TMEM131L: variants seen among roughly 807,000 people sequenced by gnomAD.
TMEM131L encodes transmembrane 131 like.
A neutral mutation model predicts 192.2 loss-of-function variants in TMEM131L; 54 were observed. That is an observed-to-expected ratio of 0.28 (90% CI 0.23 to 0.35). The LOEUF (loss-of-function observed/expected upper bound fraction) is 0.35, where lower values mean the gene tolerates loss of function less well. Ranked by LOEUF, TMEM131L falls within the 10% of genes least tolerant of loss-of-function variation. TMEM131L has a pLI of 1.00. For synonymous variants in TMEM131L, 701 were observed against 704.9 expected (o/e 0.99, Z 0.09); for missense variants, 1,888 against 1,972.9 (o/e 0.96, Z 0.82).
intron 3 of TMEM131L, among the ~76,000 whole-genome samples, chr4:153,514,162 T>C (rs1476788457): frequency 6.6e-6 from 1 of 152,208 alleles, no homozygotes. Flanking sequence ...CCAATTAATC[T>C]TTGCAGCTTT....
chr4:153,601,065 G>T (rs1304538730), intron 21 of TMEM131L, among the ~76,000 whole-genome samples: 2 of 146,762 alleles, frequency 1.4e-5, no homozygotes, highest in Non-Finnish European at 3.0e-5. Context: ...AGCTGAGATT[G>T]TATCACTGCA....
At chr4:153,596,144 A>G in intron 19 of TMEM131L, 114 bp from the exon 20 acceptor site, 1 of 1,259,952 alleles carries the variant, frequency 7.9e-7, no homozygotes, top group Non-Finnish European at 1.1e-6. Context: ...GATTAGGAGG[A>G]TCAAATCTGG....
chr4:153,556,897 G>C (rs1728501707), intron 5 of TMEM131L, 69 bp from the exon 6 acceptor site: 3 of 746,724 alleles, frequency 4.0e-6, no homozygotes, highest in Non-Finnish European at 7.1e-6. Flanking sequence ...GTCAAAAAAA[G>C]AAAGTCTGTG....
chr4:153,505,529 A>G (rs796441456), intron 3 of TMEM131L, among the ~76,000 whole-genome samples: 15 of 152,258 alleles, frequency 9.9e-5, no homozygotes, highest in African/African-American at 3.6e-4. Context: ...ATTCTGATAA[A>G]TGGGATGAGG....
At chr4:153,561,376 A>G (rs1728837058) in intron 7 of TMEM131L, among the ~76,000 whole-genome samples, 1 of 152,176 alleles carries the variant, frequency 6.6e-6, no homozygotes, top group Non-Finnish European at 1.5e-5. Context: ...AAAGATTTAA[A>G]TTTTGATGAA....
chr4:153,583,210 T>C lies in TMEM131L; in HGVS notation c.913T>C (p.Tyr305His). 1 of 1,456,922 alleles carries C rather than the reference T, an allele frequency of 6.9e-7. No homozygotes were observed. The highest frequency in any genetic ancestry group is 9.6e-7 in the Non-Finnish European group (1 of 1,037,056). 90.2% of individuals were successfully genotyped at this position (1,456,922 alleles called of 1,614,324 possible). ...GACAGATGATTCAGCAGTAAATATGTATATATTACATTCAGGAAACAGCCT... is the reference window on the plus strand; with the variant it reads ...GACAGATGATTCAGCAGTAAATATGCATATATTACATTCAGGAAACAGCCT... ...ETSDDSAVNM[Y>H]ILHSGNSLIW... The change falls in exon 10 of 35, where the codon TAT becomes CAT. Residue 305 changes from tyrosine to histidine, a missense_variant. Coordinates refer to ENST00000409959, the MANE Select transcript of TMEM131L (RefSeq NM_001131007.2).
At chr4:153,568,463 A>G (rs1429178243) in intron 7 of TMEM131L, among the ~76,000 whole-genome samples, 3 of 152,198 alleles carry the variant, frequency 2.0e-5, no homozygotes, top group African/African-American at 7.2e-5. Context: ...AGAATTGACT[A>G]GTTCCTTACT....
chr4:153,538,139 C>G, intron 3 of TMEM131L, among the ~76,000 whole-genome samples: 1 of 152,158 alleles, frequency 6.6e-6, no homozygotes, highest in East Asian at 1.9e-4. Context: ...CCTTGCCTTC[C>G]CTGAAATGTA....
chr4:153,582,988 T>A (rs1258710518), intron 9 of TMEM131L, among the ~76,000 whole-genome samples: 1 of 151,908 alleles, frequency 6.6e-6, no homozygotes, highest in Non-Finnish European at 1.5e-5. Flanking sequence ...TTTATGAGGA[T>A]CTTTTTTCTT....
chr4:153,602,811 T>G, intron 23 of TMEM131L, 84 bp downstream of exon 23: 1 of 1,216,336 alleles, frequency 8.2e-7, no homozygotes, highest in Non-Finnish European at 1.2e-6. Context: ...ACTGCCCGAG[T>G]GTAGTCAAAG....
intron 26 of TMEM131L, among the ~76,000 whole-genome samples, chr4:153,614,185 G>A (rs995022152): frequency 1.3e-5 from 2 of 152,202 alleles, no homozygotes; most frequent in Non-Finnish European, 2.9e-5. Flanking sequence ...GGAGCCATCC[G>A]ACTTGGAAGA....
chr4:153,525,803 A>G (rs1289060509), intron 3 of TMEM131L, among the ~76,000 whole-genome samples: 3 of 151,960 alleles, frequency 2.0e-5, no homozygotes, highest in South Asian at 4.1e-4. Context: ...TAGCTTGGAG[A>G]TGCTGATTAA....
At chr4:153,490,674 G>A (rs1402609653) in intron 3 of TMEM131L, among the ~76,000 whole-genome samples, 4 of 152,002 alleles carry the variant, frequency 2.6e-5, no homozygotes, top group Admixed American at 6.6e-5. Flanking sequence ...AAAAATGAGC[G>A]GCCGGGCGTG....
intron 3 of TMEM131L, among the ~76,000 whole-genome samples, chr4:153,525,848 CTTTA>C (rs1735434201): frequency 6.6e-6 from 1 of 151,602 alleles, no homozygotes. Flanking sequence ...TTCCACATTC[CTTTA>C]TTTTTTATTT....
rs375865808 is a variant in TMEM131L at position 153,501,140 on chromosome 4, C to T, written c.239+27252C>T. On this transcript the variant is annotated intron_variant, in intron 3 of 34. Coordinates refer to ENST00000409959, the MANE Select transcript of TMEM131L (RefSeq NM_001131007.2). ...ATTTTAGAATAGCAAGAATAATGAC[C>T]ATACTGGATGCTTAACTAAAGAAGT... 3.8e-4 allele frequency among the ~76,000 whole-genome samples: 57 copies of T among 151,780 alleles called. 1 individual carries two copies. In the East Asian group the frequency reaches 7.3e-3, roughly 20 times the overall value.
intron 17 of TMEM131L, among the ~76,000 whole-genome samples, chr4:153,591,571 C>CGAAG (rs1731068333): frequency 6.6e-6 from 1 of 152,152 alleles, no homozygotes; most frequent in Non-Finnish European, 1.5e-5. Context: ...ACTGTCCATC[C>CGAAG]TTAGCGTGTT....
chr4:153,583,915 G>A (rs1305919056), intron 11 of TMEM131L, among the ~76,000 whole-genome samples: 1 of 152,216 alleles, frequency 6.6e-6, no homozygotes, highest in Non-Finnish European at 1.5e-5. Context: ...TGTTGATAAC[G>A]ATTAGGAAGG....
At position 153,589,965 on chromosome 4, in the gene TMEM131L, A is replaced by G. The variant is rs530443535; in HGVS notation, c.1670+958A>G. ...TTTATTAGGAAATTCTTTATTTCCTAAAGAGAATATTTTCTTATGTATAAC... is the reference window on the plus strand; with the variant it reads ...TTTATTAGGAAATTCTTTATTTCCTGAAGAGAATATTTTCTTATGTATAAC... On this transcript the variant is annotated intron_variant, in intron 16 of 34. Transcript: ENST00000409959. 1.2e-4 allele frequency among the ~76,000 whole-genome samples: 18 copies of G among 152,362 alleles called. No homozygotes were observed. The East Asian group carries it at 3.1e-3, about 26-fold the overall frequency.
chr4:153,494,434 G>C (rs1733015691), intron 3 of TMEM131L, among the ~76,000 whole-genome samples: 1 of 152,310 alleles, frequency 6.6e-6, no homozygotes, highest in South Asian at 2.1e-4. Context: ...AAAATTTTCT[G>C]TGGAGTCTGG....
Sources: gnomAD v4.1 joint callset for allele counts (sites outside exome capture counted in the v4.1 genomes callset) on GRCh38, gnomAD v4.1.1 for gene constraint, MANE v1.5 for transcripts, NCBI Gene and HGNC (gene_info 2026-07-23, HGNC 2026-07-21) for gene names.